The following PRICKLE2 variants were observed in gnomAD, a reference collection of about 807,000 sequenced individuals.
PRICKLE2 encodes prickle planar cell polarity protein 2.
In PRICKLE2, 21 loss-of-function variants were observed where a neutral mutation model predicts 81.4. The observed-to-expected ratio is 0.26, with a 90% CI of 0.18 to 0.37. PRICKLE2 has a LOEUF of 0.37. PRICKLE2 is among the 10% of genes least tolerant of loss of function. The pLI is 1.00. For synonymous variants in PRICKLE2, 456 were observed against 421.5 expected (o/e 1.08, Z -1.00); for missense variants, 940 against 1,109.0 (o/e 0.85, Z 2.16).
intron 3 of PRICKLE2, among the ~76,000 whole-genome samples, chr3:64,160,983 CA>C (rs869177025): frequency 6.6e-6 from 1 of 151,070 alleles, no homozygotes; most frequent in Admixed American, 6.6e-5. Flanking sequence ...AACAAACAAA[CA>C]AAAAAACCAG....
At chr3:64,186,046 T>C (rs1301813278) in intron 2 of PRICKLE2, among the ~76,000 whole-genome samples, 1 of 152,214 alleles carries the variant, frequency 6.6e-6, no homozygotes, top group African/African-American at 2.4e-5. Flanking sequence ...CTATTTTGCC[T>C]GGCTTCTTTC....
At chr3:64,119,600 C>T (rs1002298451) in intron 7 of PRICKLE2, among the ~76,000 whole-genome samples, 14 of 152,100 alleles carry the variant, frequency 9.2e-5, no homozygotes, top group African/African-American at 3.1e-4. Flanking sequence ...CACTTATGTA[C>T]GATTGGTGCA....
intron 1 of PRICKLE2, among the ~76,000 whole-genome samples, chr3:64,207,935 G>C (rs1575667670): frequency 7.2e-6 from 1 of 139,008 alleles, no homozygotes; most frequent in South Asian, 2.3e-4. Flanking sequence ...GCTGACGCAG[G>C]AGGAGCTGGG....
intron 7 of PRICKLE2, chr3:64,101,523 G>A (rs745979973): frequency 1.9e-4 from 29 of 152,076 alleles, no homozygotes; most frequent in Non-Finnish European, 3.5e-4. Flanking sequence ...GGCCCCCACT[G>A]GCCAAATCTG....
rs568495368 is a variant in PRICKLE2 at position 64,175,711 on chromosome 3, T to TAA, written c.145-12583_145-12582insTT. Reference sequence around the variant, plus strand: ...TGAATCCAGGTATTGCATTTTGAAATTATTACAATTATTTTCTTTGCTGGT... The same window carrying TAA: ...TGAATCCAGGTATTGCATTTTGAAATAATATTACAATTATTTTCTTTGCTGGT... On this transcript the variant is annotated intron_variant, in intron 2 of 7. Transcript: ENST00000638394. Among the ~76,000 whole-genome samples the TAA allele has an allele frequency of 1.8e-4, 27 of 152,334 alleles. No homozygotes were observed. The South Asian group carries it at 5.0e-3, about 28-fold the overall frequency.
chr3:64,132,451 A>G (rs778442352), intron 7 of PRICKLE2, among the ~76,000 whole-genome samples: 3 of 152,018 alleles, frequency 2.0e-5, no homozygotes, highest in Non-Finnish European at 4.4e-5. Context: ...GTTTCTATCT[A>G]TCTCCTTCAT....
intron 6 of PRICKLE2, among the ~76,000 whole-genome samples, chr3:64,148,905 T>C (rs1035051647): frequency 6.6e-6 from 1 of 152,240 alleles, no homozygotes; most frequent in Non-Finnish European, 1.5e-5. Context: ...GCTATTCCGT[T>C]AAAGCAGTCT....
At chr3:64,261,773 G>A (rs2107190226) in intron 2 of PRICKLE2, among the ~76,000 whole-genome samples, 1 of 152,266 alleles carries the variant, frequency 6.6e-6, no homozygotes, top group South Asian at 2.1e-4. Flanking sequence ...GCCCTTGAGA[G>A]GTAGGCACGG....
chr3:64,264,310 A>G (rs1012650481), intron 2 of PRICKLE2, among the ~76,000 whole-genome samples: 8 of 152,176 alleles, frequency 5.3e-5, no homozygotes, highest in Non-Finnish European at 1.0e-4. Flanking sequence ...TCAGTAATAA[A>G]GAGCAAACAG....
intron 7 of PRICKLE2, among the ~76,000 whole-genome samples, chr3:64,134,650 C>T (rs1224898902): frequency 6.9e-6 from 1 of 145,696 alleles, no homozygotes; most frequent in Non-Finnish European, 1.5e-5. Context: ...GGAAAAACCA[C>T]CACCCCTAGT....
At position 64,097,301 on chromosome 3, in the gene PRICKLE2, G is replaced by C. The variant is rs2076585000; in HGVS notation, c.*1750C>G. ...ACCCATCTGGGACGGGGTCTGAAAT[G>C]CCACTTTTGACATTCTCTCCATAAA... is the stretch of plus-strand genomic sequence containing the variant. On this transcript the variant is annotated 3_prime_UTR_variant, in exon 8 of 8. Transcript: ENST00000638394. 6.6e-6 allele frequency: 1 copy of C among 152,544 alleles called. No individual in the cohort carries two copies. Among genetic ancestry groups the C allele is most frequent in the South Asian group, 2.1e-4 (1 of 4,816 alleles). The allele number at this position is 152,544 out of a possible 1,614,324, so 9.4% of individuals were successfully genotyped here.
intron 7 of PRICKLE2, among the ~76,000 whole-genome samples, chr3:64,120,138 T>C (rs1417466174): frequency 6.6e-6 from 1 of 152,142 alleles, no homozygotes; most frequent in Non-Finnish European, 1.5e-5. Context: ...GGAGGAATCA[T>C]ACCCCAAACC....
At chr3:64,107,395 T>A (rs2076773428) in intron 7 of PRICKLE2, among the ~76,000 whole-genome samples, 1 of 152,274 alleles carries the variant, frequency 6.6e-6, no homozygotes, top group Non-Finnish European at 1.5e-5. Flanking sequence ...CCCCCACATG[T>A]CTTTGTGGGC....
intron 1 of PRICKLE2, among the ~76,000 whole-genome samples, chr3:64,203,900 C>T (rs919850630): frequency 2.2e-4 from 33 of 151,976 alleles, no homozygotes; most frequent in African/African-American, 6.8e-4. Context: ...ACCGCTTGAA[C>T]CCAGGAGGTG....
chr3:64,125,216 A>AATT (rs772258277), intron 7 of PRICKLE2, among the ~76,000 whole-genome samples: 4 of 152,042 alleles, frequency 2.6e-5, no homozygotes, highest in Non-Finnish European at 5.9e-5. Context: ...TGAATGGATG[A>AATT]ATTGTTGCTT....
Position 64,235,050 on chromosome 3 carries a change from T to G in PRICKLE2, c.129-36083A>C, listed in dbSNP as rs374955884. On this transcript the variant is annotated intron_variant, in intron 2 of 8. Coordinates refer to the PRICKLE2 transcript ENST00000295902. ...ATCTCACATTTCTTAGGAGCTCTGTTTATTTATTTTCACTCTCTTTTCTCT... is the reference window on the plus strand; with the variant it reads ...ATCTCACATTTCTTAGGAGCTCTGTGTATTTATTTTCACTCTCTTTTCTCT... Among the ~76,000 whole-genome samples the G allele has an allele frequency of 3.3e-5, 5 of 152,270 alleles. 1 individual carries two copies. The highest frequency in any genetic ancestry group is 1.2e-4 in the African/African-American group (5 of 41,572).
intron 7 of PRICKLE2, among the ~76,000 whole-genome samples, chr3:64,129,406 C>T (rs892757144): frequency 6.6e-6 from 1 of 152,148 alleles, no homozygotes; most frequent in African/African-American, 2.4e-5. Flanking sequence ...GGCTTCACAG[C>T]TGTTAGCTCT....
At chr3:64,177,763 T>C (rs2078051318) in intron 2 of PRICKLE2, among the ~76,000 whole-genome samples, 1 of 152,230 alleles carries the variant, frequency 6.6e-6, no homozygotes, top group Admixed American at 6.5e-5. Flanking sequence ...GGCTATTATT[T>C]CACTGCATGT....
chr3:64,128,906 C>T (rs1226048184), intron 7 of PRICKLE2, among the ~76,000 whole-genome samples: 1 of 149,462 alleles, frequency 6.7e-6, no homozygotes, highest in African/African-American at 2.4e-5. Flanking sequence ...GGGGTTATGG[C>T]AGGGATTTTT....
Sources: gnomAD v4.1 joint callset for allele counts (sites outside exome capture counted in the v4.1 genomes callset) on GRCh38, gnomAD v4.1.1 for gene constraint, MANE v1.5 for transcripts, NCBI Gene and HGNC (gene_info 2026-07-23, HGNC 2026-07-21) for gene names.